Variants in SLC9B1 observed in about 807,000 individuals in gnomAD.
The protein encoded by SLC9B1 is sodium/hydrogen exchanger 9B1.
Under a neutral mutation model 51.7 loss-of-function variants are expected in SLC9B1, and 32 were observed. The observed-to-expected ratio is 0.62, with a 90% CI of 0.47 to 0.83. SLC9B1 has a LOEUF of 0.83. SLC9B1 is among the 40% of genes least tolerant of loss of function. SLC9B1 has a pLI of 0.00. For missense variants in SLC9B1, 406 were observed against 613.2 expected (o/e 0.66, Z 3.57); for synonymous variants, 145 against 212.7 (o/e 0.68, Z 2.77).
chr4:102,997,327 C>T (rs1488161778), intron 1 of SLC9B1, among the ~76,000 whole-genome samples: 3 of 152,054 alleles, frequency 2.0e-5, no homozygotes, highest in Admixed American at 6.6e-5. Flanking sequence ...GTATATTCCT[C>T]CATTTATTTA....
chr4:102,972,423 T>A (rs536870493), intron 3 of SLC9B1, among the ~76,000 whole-genome samples: 3 of 152,272 alleles, frequency 2.0e-5, no homozygotes, highest in Non-Finnish European at 4.4e-5. Context: ...TTTTTGTATT[T>A]TTAGTAGAGA....
chr4:102,998,008 A>G (rs1304758926), intron 1 of SLC9B1, among the ~76,000 whole-genome samples: 1 of 152,178 alleles, frequency 6.6e-6, no homozygotes, highest in Non-Finnish European at 1.5e-5. Context: ...TTCCTGTGGT[A>G]AAATATGCAT....
In SLC9B1 at chr4:102,933,328, G is replaced by A. The variant is rs190996393; in HGVS notation, c.654-1029C>T. On this transcript the variant is annotated intron_variant, in intron 6 of 11. Coordinates refer to ENST00000296422, the MANE Select transcript of SLC9B1 (RefSeq NM_139173.4). The stretch of plus-strand genomic sequence containing the variant: ...TAGTTTAGCCCATTTGCTTCTGGCT[G>A]TACAACCTCTATGGTGCAGTTTATG... Among the ~76,000 whole-genome samples the A allele has an allele frequency of 2.8e-3, 427 of 152,326 alleles. 1 individual carries two copies. Among genetic ancestry groups the A allele is most frequent in the Non-Finnish European group, 5.5e-3 (375 of 68,026 alleles).
At chr4:102,927,709 G>T (rs1280696653) in intron 7 of SLC9B1, among the ~76,000 whole-genome samples, 1 of 152,104 alleles carries the variant, frequency 6.6e-6, no homozygotes, top group Non-Finnish European at 1.5e-5. Context: ...ATTTGACCCG[G>T]CAATCCCATT....
chr4:102,974,174 T>C (rs2110502109), intron 3 of SLC9B1, among the ~76,000 whole-genome samples: 1 of 139,376 alleles, frequency 7.2e-6, no homozygotes, highest in African/African-American at 2.7e-5. Context: ...GAGGCAGAGG[T>C]TGCAGTGAGC....
chr4:102,900,152 T>C (rs183740752), downstream of SLC9B1, among the ~76,000 whole-genome samples: 50 of 152,334 alleles, frequency 3.3e-4, 1 homozygote, highest in South Asian at 2.1e-4. Context: ...AGTCCTTGCA[T>C]TGAGCTTTTG....
At chr4:102,947,508 G>A (rs771776281) in intron 4 of SLC9B1, among the ~76,000 whole-genome samples, 3 of 152,128 alleles carry the variant, frequency 2.0e-5, no homozygotes, top group Non-Finnish European at 2.9e-5. Context: ...CTGAGTAGCT[G>A]AGACCCAGAA....
chr4:102,980,118 G>A (rs1739279843), intron 3 of SLC9B1, among the ~76,000 whole-genome samples: 1 of 152,166 alleles, frequency 6.6e-6, no homozygotes, highest in Non-Finnish European at 1.5e-5. Context: ...GATGTTCAGA[G>A]AAAAAGAAAC....
intron 3 of SLC9B1, among the ~76,000 whole-genome samples, chr4:102,969,558 A>C (rs930763613): frequency 2.6e-5 from 4 of 152,224 alleles, no homozygotes; most frequent in Non-Finnish European, 5.9e-5. Flanking sequence ...CTGAAAATTC[A>C]AAAAACCAGA....
intron 3 of SLC9B1, among the ~76,000 whole-genome samples, chr4:102,965,349 A>G (rs1365060419): frequency 6.6e-6 from 1 of 152,160 alleles, no homozygotes; most frequent in African/African-American, 2.4e-5. Flanking sequence ...AAGACCAAAG[A>G]GGAAGTGGGA....
intron 11 of SLC9B1, chr4:102,889,345 CTT>C (rs1401379638): frequency 6.6e-6 from 1 of 152,260 alleles, no homozygotes; most frequent in Admixed American, 6.5e-5. Context: ...GGTCACCAGA[CTT>C]TGGAAAAAAT....
rs746023135 is a variant in SLC9B1, at chr4:102,906,556, G to C, written c.1175C>G (p.Ser392Trp). 3 of 1,559,226 alleles carry C rather than the reference G, an allele frequency of 1.9e-6. No individual in the cohort carries two copies. The highest frequency in any genetic ancestry group is 2.6e-6 in the Non-Finnish European group (3 of 1,150,834). The change falls in exon 10 of 12, where the codon TCG becomes TGG. Residue 392 changes from serine (S) to tryptophan (W), a missense_variant. Transcript: ENST00000296422. Reference sequence around the variant, plus strand: ...CTTACCAACAATATTTGATTCAAGCGATGAAACAGATACTTCTGCTCCAAC... The same window carrying C: ...CTTACCAACAATATTTGATTCAAGCCATGAAACAGATACTTCTGCTCCAAC... ...GLVGAEVSVS[S>W]LESNIVGISV...
chr4:102,915,294 C>T (rs1210256124), intron 7 of SLC9B1, among the ~76,000 whole-genome samples: 1 of 152,188 alleles, frequency 6.6e-6, no homozygotes, highest in African/African-American at 2.4e-5. Context: ...AATACAAAAG[C>T]ATACAAAACA....
chr4:102,960,860 G>A (rs2110487869), intron 3 of SLC9B1, among the ~76,000 whole-genome samples: 1 of 151,730 alleles, frequency 6.6e-6, no homozygotes, highest in East Asian at 1.9e-4. Context: ...AGCCTCCCGA[G>A]TAGCTGGGAT....
At chr4:102,992,577 T>A (rs1173528407) in intron 1 of SLC9B1, among the ~76,000 whole-genome samples, 1 of 152,200 alleles carries the variant, frequency 6.6e-6, no homozygotes, top group Non-Finnish European at 1.5e-5. Flanking sequence ...TGTCTTACCA[T>A]AATGAAGTAA....
At chr4:102,930,962 C>G (rs561203913) in intron 7 of SLC9B1, among the ~76,000 whole-genome samples, 1 of 151,978 alleles carries the variant, frequency 6.6e-6, no homozygotes, top group Non-Finnish European at 1.5e-5. Context: ...CGATGTCTCA[C>G]GCCTGTAATC....
intron 2 of SLC9B1, 138 bp from the exon 3 acceptor site, chr4:102,990,079 T>C: frequency 1.4e-6 from 1 of 689,740 alleles, no homozygotes; most frequent in Middle Eastern, 3.9e-4. Context: ...AGAAGATTCA[T>C]GCTCCATATC....
rs762165096 is a variant in SLC9B1, at chr4:102,949,329, T to C, written c.310A>G (p.Ser104Gly). ...NLFGLFIIFY[S>G]AIIGGKILQL... ...AAAATTTTTCCCCCAATAATGGCAC[T>C]ATAAAAAATAATGAACAACCCAAAT... The change falls in exon 4 of 12, where the codon AGT becomes GGT. Residue 104 changes from serine (S) to glycine (G), a missense_variant. Around this residue, in one of 6 missense-constraint regions of SLC9B1, gnomAD observed 250 missense variants for 394.1 expected, o/e 0.63. Coordinates refer to ENST00000296422, the MANE Select transcript of SLC9B1 (RefSeq NM_139173.4). 6.2e-7 allele frequency: 1 copy of C among 1,610,450 alleles called. No individual in the cohort carries two copies. The highest frequency in any genetic ancestry group is 1.1e-5 in the South Asian group (1 of 90,618).
chr4:102,963,857 A>G (rs181016856), intron 3 of SLC9B1, among the ~76,000 whole-genome samples: 3 of 152,214 alleles, frequency 2.0e-5, no homozygotes, highest in African/African-American at 7.2e-5. Flanking sequence ...GAAAGAAAAA[A>G]TAATCTAAAA....
Sources: allele counts gnomAD v4.1 joint callset (sites outside exome capture counted in the v4.1 genomes callset), GRCh38; gene constraint gnomAD v4.1.1; regional missense constraint gnomAD v4.1.1; transcripts MANE v1.5; gene names NCBI Gene and HGNC (gene_info 2026-07-23, HGNC 2026-07-21).